The following GAD2 variants were observed in gnomAD, a reference collection of about 807,000 sequenced individuals.
GAD2 encodes the protein glutamate decarboxylase 2, also known as 65 kDa glutamic acid decarboxylase.
Under a neutral mutation model 80.1 loss-of-function variants are expected in GAD2, and 22 were observed. The ratio of observed to expected loss-of-function variants is 0.27; its 90% CI spans 0.20 to 0.39. The LOEUF (loss-of-function observed/expected upper bound fraction) is 0.39, where lower values mean the gene tolerates loss of function less well. GAD2 is among the 10% of genes least tolerant of loss of function. The probability of loss-of-function intolerance (pLI) is 1.00; values close to 1 mark genes in which losing one functional copy is unlikely to be tolerated. For synonymous variants in GAD2, 274 were observed against 256.9 expected (o/e 1.07, Z -0.64); for missense variants, 624 against 738.4 (o/e 0.85, Z 1.80).
At chr10:26,282,783 A>T (rs1845285996) in intron 12 of GAD2, among the ~76,000 whole-genome samples, 1 of 152,208 alleles carries the variant, frequency 6.6e-6, no homozygotes, top group Non-Finnish European at 1.5e-5. Context: ...TCCTGTTGTC[A>T]ACTTCAAATT....
intron 15 of GAD2, among the ~76,000 whole-genome samples, chr10:26,295,199 G>C (rs2132322241): frequency 6.6e-6 from 1 of 152,188 alleles, no homozygotes; most frequent in South Asian, 2.1e-4. Flanking sequence ...TGAAGAATGG[G>C]GATGGAGATT....
intron 10 of GAD2, among the ~76,000 whole-genome samples, chr10:26,271,621 A>G (rs964997009): frequency 7.9e-5 from 12 of 152,204 alleles, no homozygotes; most frequent in Non-Finnish European, 4.4e-5. Flanking sequence ...GAAGGAACGC[A>G]TAAGTTGATG....
At chr10:26,272,901 A>G (rs8190725) in intron 10 of GAD2, among the ~76,000 whole-genome samples, 223 of 152,314 alleles carry the variant, frequency 1.5e-3, no homozygotes, top group Admixed American at 3.7e-3. Flanking sequence ...CTGAACTTAC[A>G]ACAAAAGGTG....
At chr10:26,235,432 G>A (rs1490212909) in intron 7 of GAD2, among the ~76,000 whole-genome samples, 1 of 152,092 alleles carries the variant, frequency 6.6e-6, no homozygotes, top group Non-Finnish European at 1.5e-5. Context: ...CTTCTTTTCT[G>A]GCCACCAACA....
At chr10:26,295,547 C>CACACACACACAG (rs1491448911) in intron 15 of GAD2, among the ~76,000 whole-genome samples, 3 of 151,082 alleles carry the variant, frequency 2.0e-5, no homozygotes, top group Admixed American at 6.6e-5. Context: ...CACACACACA[C>CACACACACACAG]AGTCCCAGAG....
At chr10:26,281,690 A>G (rs1021481807) in intron 12 of GAD2, among the ~76,000 whole-genome samples, 1 of 152,162 alleles carries the variant, frequency 6.6e-6, no homozygotes, top group African/African-American at 2.4e-5. Flanking sequence ...GAATGAAACC[A>G]TCTTGAAACC....
chr10:26,218,551 T>TCTCTCTCTCACACACA lies in GAD2; in HGVS notation c.287-491_287-490insTCTCTCTCACACACAC, dbSNP rs748110324. 3.6e-3 allele frequency among the ~76,000 whole-genome samples: 429 copies of TCTCTCTCTCACACACA among 118,832 alleles called. 5 individuals are homozygous for TCTCTCTCTCACACACA. The highest frequency in any genetic ancestry group is 0.012 in the African/African-American group (397 of 32,306). 78.0% of individuals were successfully genotyped at this position (118,832 alleles called of 152,430 possible). On this transcript the variant is annotated intron_variant, in intron 3 of 15. Transcript: ENST00000376261. ...CATGCATACGCTCTCTCTCTCTCTCTCACACACACACACACACACACACAC... is the reference window on the plus strand; with the variant it reads ...CATGCATACGCTCTCTCTCTCTCTCTCTCTCTCTCACACACACACACACACACACACACACACACAC...
At chr10:26,268,329 A>G (rs1032319547) in intron 8 of GAD2, among the ~76,000 whole-genome samples, 3 of 152,080 alleles carry the variant, frequency 2.0e-5, no homozygotes, top group African/African-American at 4.8e-5. Context: ...TTAGCCAGGC[A>G]TGGTGGCGGG....
At chr10:26,234,469 A>G (rs1199663061) in intron 7 of GAD2, among the ~76,000 whole-genome samples, 1 of 152,224 alleles carries the variant, frequency 6.6e-6, no homozygotes, top group African/African-American at 2.4e-5. Context: ...TAATTTCTCA[A>G]TAATACCAAC....
intron 9 of GAD2, among the ~76,000 whole-genome samples, chr10:26,270,007 G>A (rs930058658): frequency 3.3e-5 from 5 of 152,164 alleles, no homozygotes; most frequent in African/African-American, 1.2e-4. Flanking sequence ...AGTCCTTATG[G>A]AATGAGGGAC....
intron 11 of GAD2, 63 bp from the exon 12 acceptor site, chr10:26,280,946 T>C (rs1053561387): frequency 6.8e-6 from 7 of 1,021,978 alleles, no homozygotes; most frequent in Non-Finnish European, 1.1e-5. Context: ...TGAAGCTCAG[T>C]TGCGCATGCC....
chr10:26,245,393 A>T (rs1564661127), intron 7 of GAD2, among the ~76,000 whole-genome samples: 1 of 151,732 alleles, frequency 6.6e-6, no homozygotes. Flanking sequence ...TAAAAAAAAA[A>T]TAAATAAAAA....
rs1224734803 is a variant in GAD2 at position 26,217,590 on chromosome 10, C to T, written c.77-20C>T. On this transcript the variant is annotated intron_variant, in intron 1 of 15. Transcript: ENST00000376261. This position sits in a 1 kb window ranked among gnomAD's most constrained non-coding sequence, Gnocchi z 4.9. ...GTTCTCTTTCTGCCTCGCTGTCTGC[C>T]TGCCTATTCTTCCTTGCAGCGCGAG... is the stretch of plus-strand genomic sequence containing the variant. The T allele has an allele frequency of 1.2e-6, 2 of 1,608,444 alleles. No individual in the cohort carries two copies. Among genetic ancestry groups the T allele is most frequent in the Non-Finnish European group, 1.7e-6 (2 of 1,177,252 alleles).
At chr10:26,227,730 C>A (rs1474810085) in intron 6 of GAD2, among the ~76,000 whole-genome samples, 1 of 152,142 alleles carries the variant, frequency 6.6e-6, no homozygotes, top group South Asian at 2.1e-4. Context: ...TTATGTTGCC[C>A]AAAATGTCAG....
At chr10:26,235,608 A>C (rs73594333) in intron 7 of GAD2, among the ~76,000 whole-genome samples, 233 of 152,370 alleles carry the variant, frequency 1.5e-3, no homozygotes, top group African/African-American at 5.3e-3. Context: ...TAAAATAGAG[A>C]ATCACAAAAT....
At chr10:26,264,681 CA>C (rs1244079844) in intron 8 of GAD2, among the ~76,000 whole-genome samples, 11 of 152,146 alleles carry the variant, frequency 7.2e-5, no homozygotes. Context: ...ACTGTAAGTG[CA>C]AAATAACTCT....
rs749212589 is a variant in GAD2 at position 26,292,579 on chromosome 10, A to G, written c.1494+7A>G. The G allele has an allele frequency of 2.8e-5, 45 of 1,596,212 alleles. No individual in the cohort carries two copies. In the Middle Eastern group the frequency reaches 8.3e-4, roughly 30 times the overall value. On this transcript the variant is annotated splice_region_variant and intron_variant, in intron 14 of 15. Transcript: ENST00000376261. ...GATGGTGTTTGATGGGAAGGTATGTATTTGGATTTCTACAATCTCAGAAAG... is the reference window on the plus strand; with the variant it reads ...GATGGTGTTTGATGGGAAGGTATGTGTTTGGATTTCTACAATCTCAGAAAG...
chr10:26,269,303 A>G (rs1845106942), intron 9 of GAD2, 130 bp downstream of exon 9: 9 of 653,650 alleles, frequency 1.4e-5, no homozygotes, highest in Non-Finnish European at 2.3e-5. Flanking sequence ...GAGAACATAG[A>G]ATTCTGCATC....
intron 10 of GAD2, 23 bp downstream of exon 10, chr10:26,270,779 C>T (rs778647945): frequency 2.8e-6 from 4 of 1,440,320 alleles, no homozygotes; most frequent in Non-Finnish European, 9.8e-7. Flanking sequence ...TAGGGACTGG[C>T]CACTAAAACG....
Sources: gnomAD v4.1 joint callset for allele counts (sites outside exome capture counted in the v4.1 genomes callset) on GRCh38, gnomAD v4.1.1 for gene constraint, Gnocchi (gnomAD v3.1) non-coding constraint, MANE v1.5 for transcripts, NCBI Gene and HGNC (gene_info 2026-07-23, HGNC 2026-07-21) for gene names.